Variants in ZNF829 observed in about 807,000 individuals in gnomAD.
ZNF829 encodes the protein zinc finger protein 829.
Under a neutral mutation model 35.2 loss-of-function variants are expected in ZNF829, and 25 were observed. The observed-to-expected ratio is 0.71, with a 90% CI of 0.52 to 0.99. ZNF829 has a LOEUF of 0.99. ZNF829 is among the 50% of genes least tolerant of loss of function. The probability of loss-of-function intolerance (pLI) is 0.00; values close to 1 mark genes in which losing one functional copy is unlikely to be tolerated. For synonymous variants in ZNF829, 136 were observed against 163.2 expected (o/e 0.83, Z 1.27); for missense variants, 417 against 515.3 (o/e 0.81, Z 1.85).
At chr19:36,896,353 T>A (rs2073113253) in intron 5 of ZNF829, among the ~76,000 whole-genome samples, 1 of 149,134 alleles carries the variant, frequency 6.7e-6, no homozygotes, top group Admixed American at 6.7e-5. Flanking sequence ...CGTGGTGGCA[T>A]GCACCTGTAA....
rs1050311434 is a variant in ZNF829 at position 36,891,241 on chromosome 19, C to G, written c.*251G>C. 2 of 397,812 alleles carry G rather than the reference C, an allele frequency of 5.0e-6. No homozygotes were observed. Among genetic ancestry groups the G allele is most frequent in the Admixed American group, 8.1e-5 (2 of 24,674 alleles). The allele number at this position is 397,812 out of a possible 1,614,324, so 24.6% of individuals were successfully genotyped here. On this transcript the variant is annotated 3_prime_UTR_variant, in exon 6 of 6. Coordinates refer to ENST00000391711, the MANE Select transcript of ZNF829 (RefSeq NM_001037232.4). ...GTTAGGAAAAAGGCATAGAACAGAT[C>G]CTCAGAGTCCTCAGAAGGAACCAAA...
chr19:36,898,268 A>G (rs1242987532), intron 5 of ZNF829, among the ~76,000 whole-genome samples: 1 of 152,220 alleles, frequency 6.6e-6, no homozygotes, highest in Non-Finnish European at 1.5e-5. Flanking sequence ...ATAGCTACAA[A>G]AAACAACCTA....
At chr19:36,901,633 C>T (rs1426670834) in intron 5 of ZNF829, 1 of 256,604 alleles carries the variant, frequency 3.9e-6, no homozygotes, top group Non-Finnish European at 7.5e-6. Flanking sequence ...GCTTTGTGGG[C>T]TATCCAAGTG....
chr19:36,910,985 C>T (rs1470919570), intron 3 of ZNF829, among the ~76,000 whole-genome samples: 3 of 152,140 alleles, frequency 2.0e-5, no homozygotes, highest in Admixed American at 6.5e-5. Flanking sequence ...CCAGCCTGGA[C>T]AACAGAGTGA....
rs1309894902 is a variant in ZNF829 at position 36,889,475 on chromosome 19, T to G, written c.*2017A>C. ...TCTATTACTGATTCAATTTCAATAC[T>G]CAGTAGTCTGTTGAGGATTCCTATT... On this transcript the variant is annotated 3_prime_UTR_variant, in exon 6 of 6. Transcript: ENST00000391711. The G allele has an allele frequency of 1.3e-5, 2 of 152,212 alleles. No homozygotes were observed. Among genetic ancestry groups the G allele is most frequent in the Non-Finnish European group, 2.9e-5 (2 of 68,036 alleles). The allele number at this position is 152,212 out of a possible 1,614,324, so 9.4% of individuals were successfully genotyped here. A position where few individuals can be genotyped will look rare whatever the true frequency, so the allele number is the denominator to read the frequency against.
intron 5 of ZNF829, among the ~76,000 whole-genome samples, chr19:36,899,758 CAAA>C (rs201383048): frequency 7.7e-6 from 1 of 130,100 alleles, no homozygotes. Context: ...TTACCCTAAA[CAAA>C]AAAAAAAAGA....
rs2146224033 is a variant in ZNF829 at position 36,892,142 on chromosome 19, A to G, written c.649T>C (p.Cys217Arg). 1 of 1,614,076 alleles carries G rather than the reference A, an allele frequency of 6.2e-7. No homozygotes were observed. Among genetic ancestry groups the G allele is most frequent in the South Asian group, 1.1e-5 (1 of 91,062 alleles). Residue 217 changes from cysteine (C) to arginine (R), a missense_variant, in exon 6 of 6, where the codon TGT (cysteine) becomes CGT (arginine). Physicochemically the swap from Cys to Arg is radical, Grantham distance 180. Transcript: ENST00000391711. ...TGKKPYECKE[C>R]GKAFSCSSYF... ...GAACTACAACTAAAAGCCTTGCCAC[A>G]TTCCTTACATTCATAGGGTTTTTTA...
chr19:36,907,946 G>A lies in ZNF829; in HGVS notation c.302C>T (p.Thr101Ile). ...KEPWMVDREL[T>I]RGLCSDLESM... Reference sequence around the variant, plus strand: ...TTACTTACCTGAACACAGGCCTCTAGTCAGCTCTCTATCAACCATCCAGGG... The same window carrying A: ...TTACTTACCTGAACACAGGCCTCTAATCAGCTCTCTATCAACCATCCAGGG... The change falls in exon 5 of 6, where the codon ACT (threonine) becomes ATT (isoleucine). Residue 101 changes from threonine to isoleucine, a missense_variant. Physicochemically the swap from Thr to Ile is moderately conservative, Grantham distance 89. Transcript: ENST00000391711. 1.9e-6 allele frequency: 3 copies of A among 1,613,940 alleles called. No homozygotes were observed. The highest frequency in any genetic ancestry group is 2.7e-5 in the African/African-American group (2 of 75,026).
rs191101049 is a variant in ZNF829 at position 36,916,141 on chromosome 19, C to A, written c.-215G>T. On this transcript the variant is annotated 5_prime_UTR_variant, in exon 1 of 6. Transcript: ENST00000391711. This position sits in a 1 kb window ranked among gnomAD's most constrained non-coding sequence, Gnocchi z 5.3. Reference sequence around the variant, plus strand: ...CACGCCGATTCCTGTCAGCTCCTCGCCTGGGCCCACCCGAAACGGCTGCTC... The same window carrying A: ...CACGCCGATTCCTGTCAGCTCCTCGACTGGGCCCACCCGAAACGGCTGCTC... 1.4e-3 allele frequency: 776 copies of A among 540,434 alleles called. 1 individual carries two copies. The highest frequency in any genetic ancestry group is 3.1e-3 in the Admixed American group (85 of 27,764). The allele number at this position is 540,434 out of a possible 1,614,324, so 33.5% of individuals were successfully genotyped here. A position where few individuals can be genotyped will look rare whatever the true frequency, so the allele number is the denominator to read the frequency against.
In ZNF829 at chr19:36,891,592, C is replaced by A. The variant is rs369348025; in HGVS notation, c.1199G>T (p.Arg400Ile). The A allele has an allele frequency of 8.7e-5, 141 of 1,613,602 alleles. No homozygotes were observed. The highest frequency in any genetic ancestry group is 2.5e-4 in the Admixed American group (15 of 59,938). The change falls in exon 6 of 6, where the codon AGA (arginine) becomes ATA (isoleucine). Residue 400 changes from arginine to isoleucine, a missense_variant. By Grantham distance (97) the Arg-to-Ile change is moderately conservative. Coordinates refer to ENST00000391711, the MANE Select transcript of ZNF829 (RefSeq NM_001037232.4). ...NKGSNLTRHQ[R>I]IHTGEKPYDC... ...ATAGGGTTTCTCACCAGTGTGAATT[C>A]TCTGATGTCGAGTAAGATTTGAGCC...
chr19:36,891,414 G>A lies in ZNF829; in HGVS notation c.*78C>T, dbSNP rs887881213. On this transcript the variant is annotated 3_prime_UTR_variant, in exon 6 of 6. Coordinates refer to ENST00000391711, the MANE Select transcript of ZNF829 (RefSeq NM_001037232.4). ...TACATAGGAGAACCTTTGATAATAT[G>A]TATCCTAATTTGTTCTCCTTACCTG... 8.8e-6 allele frequency: 12 copies of A among 1,371,206 alleles called. No individual in the cohort carries two copies. The highest frequency in any genetic ancestry group is 1.5e-5 in the African/African-American group (1 of 68,326). 84.9% of individuals were successfully genotyped at this position (1,371,206 alleles called of 1,614,324 possible).
intron 3 of ZNF829, among the ~76,000 whole-genome samples, chr19:36,911,924 A>C (rs1378754937): frequency 6.6e-6 from 1 of 152,234 alleles, no homozygotes; most frequent in Non-Finnish European, 1.5e-5. Flanking sequence ...AAATGCAATT[A>C]GAGGTTTCCA....
At chr19:36,895,590 TG>T (rs2073104483) in intron 5 of ZNF829, among the ~76,000 whole-genome samples, 1 of 152,044 alleles carries the variant, frequency 6.6e-6, no homozygotes, top group African/African-American at 2.4e-5. Flanking sequence ...AAAATAAATA[TG>T]ACTCACCTAT....
intron 5 of ZNF829, among the ~76,000 whole-genome samples, chr19:36,893,482 G>A (rs1452593567): frequency 6.6e-6 from 1 of 152,086 alleles, no homozygotes; most frequent in Non-Finnish European, 1.5e-5. Context: ...ATGCTTTAAG[G>A]CAACCTCTGA....
At chr19:36,897,502 G>A (rs1198866696) in intron 5 of ZNF829, among the ~76,000 whole-genome samples, 4 of 151,980 alleles carry the variant, frequency 2.6e-5, no homozygotes, top group Admixed American at 6.6e-5. Flanking sequence ...AAACTTCAAC[G>A]TCTCTTCATT....
rs2073044797 is a variant in ZNF829 at position 36,890,925 on chromosome 19, C to A, written c.*567G>T. The A allele has an allele frequency of 6.6e-6, 1 of 152,250 alleles. No homozygotes were observed. The highest frequency in any genetic ancestry group is 3.4e-3 in the Middle Eastern group (1 of 294). 9.4% of individuals were successfully genotyped at this position (152,250 alleles called of 1,614,324 possible). A position where few individuals can be genotyped will look rare whatever the true frequency, so the allele number is the denominator to read the frequency against. On this transcript the variant is annotated 3_prime_UTR_variant, in exon 6 of 6. Transcript: ENST00000391711. ...AAAAGGAAATTACAAATATATTAGA[C>A]AAAATCATTCTAACAGGGTATTATG... is the stretch of plus-strand genomic sequence containing the variant.
chr19:36,899,471 C>G (rs1224435058), intron 5 of ZNF829, among the ~76,000 whole-genome samples: 5 of 148,848 alleles, frequency 3.4e-5, no homozygotes, highest in Non-Finnish European at 7.4e-5. Flanking sequence ...TGGGTACATT[C>G]TATTAGTAAA....
intron 5 of ZNF829, among the ~76,000 whole-genome samples, chr19:36,896,433 A>G (rs936871708): frequency 1.3e-5 from 2 of 152,088 alleles, no homozygotes; most frequent in Admixed American, 1.3e-4. Flanking sequence ...CAGTGAGCCA[A>G]TATTGTGCCA....
intron 3 of ZNF829, among the ~76,000 whole-genome samples, chr19:36,913,574 A>G (rs558424056): frequency 3.9e-5 from 6 of 152,312 alleles, no homozygotes; most frequent in East Asian, 1.9e-4. Context: ...GATTTCAGCT[A>G]TAAGTATCAA....
Sources: gnomAD v4.1 joint callset for allele counts (sites outside exome capture counted in the v4.1 genomes callset) on GRCh38, gnomAD v4.1.1 for gene constraint, Gnocchi (gnomAD v3.1) non-coding constraint, MANE v1.5 for transcripts, NCBI Gene and HGNC (gene_info 2026-07-23, HGNC 2026-07-21) for gene names.